The following DDC variants were observed in gnomAD, a reference collection of about 807,000 sequenced individuals.
The protein encoded by DDC is dopa decarboxylase, also known as aromatic-L-amino-acid decarboxylase.
DDC carries 43 observed loss-of-function variants against 60.0 expected under a neutral mutation model. That is an observed-to-expected ratio of 0.72 (90% CI 0.56 to 0.92). The LOEUF (loss-of-function observed/expected upper bound fraction) is 0.92, where lower values mean the gene tolerates loss of function less well. DDC is among the 40% of genes least tolerant of loss of function. The pLI, the probability that DDC is intolerant of heterozygous loss-of-function variation, is 0.00. For synonymous variants in DDC, 232 were observed against 234.6 expected (o/e 0.99, Z 0.10); for missense variants, 573 against 620.2 (o/e 0.92, Z 0.81).
intron 11 of DDC, among the ~76,000 whole-genome samples, chr7:50,473,948 G>A (rs1447779605): frequency 1.3e-5 from 2 of 152,208 alleles, no homozygotes; most frequent in African/African-American, 4.8e-5. Flanking sequence ...AGGTGGCTTT[G>A]GGCCTCACTC....
At chr7:50,504,749 A>G (rs534706299) in intron 6 of DDC, among the ~76,000 whole-genome samples, 2 of 152,148 alleles carry the variant, frequency 1.3e-5, no homozygotes, top group African/African-American at 4.8e-5. Flanking sequence ...ACCCATGTGC[A>G]ATGCACAGAG....
intron 2 of DDC, among the ~76,000 whole-genome samples, chr7:50,543,652 T>G (rs2044708168): frequency 6.6e-6 from 1 of 152,192 alleles, no homozygotes; most frequent in African/African-American, 2.4e-5. Context: ...TCACTGCCCT[T>G]GGATTTGGAT....
intron 12 of DDC, 93 bp downstream of exon 12, chr7:50,469,979 CA>C (rs11378977): frequency 0.02 from 13,673 of 682,174 alleles, no homozygotes; most frequent in East Asian, 0.052. Flanking sequence ...AACTCTGTCT[CA>C]AAAAAAAAAA....
chr7:50,527,706 T>G, intron 6 of DDC: 1 of 228,940 alleles, frequency 4.4e-6, no homozygotes. Flanking sequence ...CGGAGAAAGA[T>G]AAGACTTTTG....
chr7:50,507,943 T>C (rs906394330), intron 6 of DDC, among the ~76,000 whole-genome samples: 5 of 152,220 alleles, frequency 3.3e-5, no homozygotes, highest in Non-Finnish European at 7.3e-5. Context: ...TGGGTAATTG[T>C]CCCAGGACAC....
chr7:50,529,123 A>T, intron 5 of DDC, 85 bp downstream of exon 5: 1 of 1,553,398 alleles, frequency 6.4e-7, no homozygotes, highest in Non-Finnish European at 8.9e-7. Context: ...ATTTGGAAGG[A>T]TGCTGTTTGG....
intron 4 of DDC, among the ~76,000 whole-genome samples, chr7:50,532,593 A>G (rs1420081020): frequency 6.6e-6 from 1 of 152,248 alleles, no homozygotes; most frequent in Non-Finnish European, 1.5e-5. Context: ...AAGATTGTCC[A>G]TAATCCAATC....
intron 4 of DDC, among the ~76,000 whole-genome samples, chr7:50,533,761 T>A (rs918494297): frequency 6.6e-6 from 1 of 152,158 alleles, no homozygotes; most frequent in Non-Finnish European, 1.5e-5. Flanking sequence ...ATAACTAACA[T>A]ACAGTAGAAG....
chr7:50,507,969 C>T (rs1225047800), intron 6 of DDC, among the ~76,000 whole-genome samples: 1 of 152,226 alleles, frequency 6.6e-6, no homozygotes, highest in Non-Finnish European at 1.5e-5. Context: ...TAGGCAGGAG[C>T]AGACCAAATG....
chr7:50,482,870 T>C (rs956783542), intron 9 of DDC, among the ~76,000 whole-genome samples: 2 of 152,228 alleles, frequency 1.3e-5, no homozygotes, highest in African/African-American at 2.4e-5. Context: ...TTAAAAATGT[T>C]AGTGTATCTA....
At chr7:50,491,956 A>G (rs1334385193) in intron 9 of DDC, among the ~76,000 whole-genome samples, 2 of 152,220 alleles carry the variant, frequency 1.3e-5, no homozygotes, top group African/African-American at 4.8e-5. Context: ...AAAATAAAAC[A>G]TCTGAATTGA....
At chr7:50,510,777 C>A (rs529305147) in intron 6 of DDC, among the ~76,000 whole-genome samples, 34 of 151,282 alleles carry the variant, frequency 2.2e-4, no homozygotes, top group Non-Finnish European at 4.0e-4. Context: ...GTCAGGAGAT[C>A]GAGACCATCC....
chr7:50,533,326 C>T (rs1277835168), intron 4 of DDC, among the ~76,000 whole-genome samples: 3 of 148,922 alleles, frequency 2.0e-5, no homozygotes, highest in African/African-American at 7.5e-5. Context: ...GACAGGGTCT[C>T]ACTCTGTCAC....
In DDC at chr7:50,463,326, T is replaced by C; in HGVS notation, c.1348A>G (p.Ile450Val). The C allele has an allele frequency of 6.2e-7, 1 of 1,614,242 alleles. No homozygotes were observed. Residue 450 changes from isoleucine to valine, a missense_variant, in exon 14 of 15, where the codon ATC becomes GTC. By Grantham distance (29) the Ile-to-Val change is conservative. Transcript: ENST00000444124. ...GCAGATTCCACCGTGCGAGAACAGA[T>C]GGCAAAGCGCAGGACAAACTTGTCC... ...LRDKFVLRFA[I>V]CSRTVESAHV...
chr7:50,467,147 TAATGAACAACACTTTCCCC>T (rs1410548541), intron 13 of DDC, 48 bp downstream of exon 13: 1 of 1,348,062 alleles, frequency 7.4e-7, no homozygotes, highest in Non-Finnish European at 1.1e-6. Context: ...AGCATGGAGG[TAATGAACAACACTTTCCCC>T]TCTGTCACAT....
At chr7:50,517,206 A>C (rs1017244698) in intron 6 of DDC, among the ~76,000 whole-genome samples, 1 of 152,224 alleles carries the variant, frequency 6.6e-6, no homozygotes, top group African/African-American at 2.4e-5. Flanking sequence ...AAAATATATC[A>C]TAAAGATAAT....
At position 50,547,678 on chromosome 7, in the gene DDC, C is replaced by T. The variant is rs766399375; in HGVS notation, c.-28-3565G>A. On this transcript the variant is annotated intron_variant, in intron 1 of 14. Coordinates refer to ENST00000444124, the MANE Select transcript of DDC (RefSeq NM_001082971.2). ...ATCCCAGTGGCCAACACTCCGAGAC[C>T]GAGAGCCAAAGAAAGGACTGCGAGT... 7.2e-4 allele frequency among the ~76,000 whole-genome samples: 109 copies of T among 152,192 alleles called. No homozygotes were observed. The Middle Eastern group carries it at 0.024, about 33-fold the overall frequency.
At chr7:50,467,896 CCTAG>C (rs1269528829) in intron 12 of DDC, among the ~76,000 whole-genome samples, 1 of 152,236 alleles carries the variant, frequency 6.6e-6, no homozygotes, top group Non-Finnish European at 1.5e-5. Flanking sequence ...GCGTTTGCCA[CCTAG>C]AGCTGGGCAT....
chr7:50,538,775 A>G (rs2044505110), intron 3 of DDC, among the ~76,000 whole-genome samples: 1 of 152,244 alleles, frequency 6.6e-6, no homozygotes, highest in Non-Finnish European at 1.5e-5. Context: ...CCTCTGTGGG[A>G]CAGAATGGAT....
Sources: allele counts gnomAD v4.1 joint callset (sites outside exome capture counted in the v4.1 genomes callset), GRCh38; gene constraint gnomAD v4.1.1; transcripts MANE v1.5; gene names NCBI Gene and HGNC (gene_info 2026-07-23, HGNC 2026-07-21).